Variants in ZCWPW2 observed in about 807,000 individuals in gnomAD.
ZCWPW2 encodes the protein zinc finger CW-type and PWWP domain containing 2.
In ZCWPW2, 45 loss-of-function variants were observed where a neutral mutation model predicts 46.6. The observed-to-expected ratio is 0.96, with a 90% confidence interval of 0.76 to 1.24. ZCWPW2 has a LOEUF of 1.24. Ranked by LOEUF, ZCWPW2 falls within the 50% of genes most tolerant of loss-of-function variation. The pLI is 0.00. For synonymous variants in ZCWPW2, 152 were observed against 137.1 expected (o/e 1.11, Z -0.76); for missense variants, 429 against 403.9 (o/e 1.06, Z -0.53).
intron 3 of ZCWPW2, among the ~76,000 whole-genome samples, chr3:28,425,512 G>A (rs568497487): frequency 4.3e-4 from 65 of 152,248 alleles, no homozygotes; most frequent in African/African-American, 1.5e-3. Flanking sequence ...ATACCTAGTG[G>A]TGTAGCATTA....
chr3:28,371,181 T>C (rs1705322734), intron 1 of ZCWPW2, among the ~76,000 whole-genome samples: 1 of 152,212 alleles, frequency 6.6e-6, no homozygotes, highest in Non-Finnish European at 1.5e-5. Flanking sequence ...TCTACCTAAA[T>C]TATGTGTTGA....
intron 1 of ZCWPW2, among the ~76,000 whole-genome samples, chr3:28,387,375 T>C (rs181577458): frequency 9.8e-5 from 15 of 152,302 alleles, no homozygotes; most frequent in Admixed American, 9.8e-4. Flanking sequence ...TTAGAAGATA[T>C]GAAAATTTAC....
At chr3:28,361,752 T>C (rs1220255119) in intron 1 of ZCWPW2, among the ~76,000 whole-genome samples, 2 of 152,136 alleles carry the variant, frequency 1.3e-5, no homozygotes, top group Non-Finnish European at 2.9e-5. Flanking sequence ...GATATGCAGA[T>C]GGCAAGGTTA....
intron 2 of ZCWPW2, among the ~76,000 whole-genome samples, chr3:28,393,520 C>T (rs747194616): frequency 5.3e-5 from 8 of 151,968 alleles, no homozygotes; most frequent in Non-Finnish European, 8.8e-5. Context: ...CCCTGATGAA[C>T]GTAGACGCAA....
At chr3:28,503,533 T>C (rs1221350635) in intron 6 of ZCWPW2, among the ~76,000 whole-genome samples, 2 of 152,108 alleles carry the variant, frequency 1.3e-5, no homozygotes, top group East Asian at 3.9e-4. Context: ...CAATAGGTTA[T>C]TGATATAATA....
At chr3:28,350,028 G>C (rs1201475742) in intron 1 of ZCWPW2, among the ~76,000 whole-genome samples, 1 of 152,192 alleles carries the variant, frequency 6.6e-6, no homozygotes, top group Non-Finnish European at 1.5e-5. Context: ...TTAGAAATCT[G>C]TGTTAATGTT....
chr3:28,492,275 A>C, intron 6 of ZCWPW2, 102 bp downstream of exon 6: 2 of 1,082,908 alleles, frequency 1.8e-6, no homozygotes, highest in Non-Finnish European at 2.6e-6. Flanking sequence ...AATGACATAC[A>C]ATCCATTTTT....
intron 3 of ZCWPW2, among the ~76,000 whole-genome samples, chr3:28,425,543 C>T (rs1696970751): frequency 6.6e-6 from 1 of 152,104 alleles, no homozygotes; most frequent in African/African-American, 2.4e-5. Flanking sequence ...TTCTCTTTAG[C>T]CCATGGCCTT....
At chr3:28,510,843 G>T (rs1700406964) in intron 6 of ZCWPW2, among the ~76,000 whole-genome samples, 1 of 152,148 alleles carries the variant, frequency 6.6e-6, no homozygotes. Context: ...AGAAGATGAT[G>T]ATGTACAAAT....
At chr3:28,490,185 T>C (rs923595585) in intron 5 of ZCWPW2, among the ~76,000 whole-genome samples, 4 of 151,970 alleles carry the variant, frequency 2.6e-5, no homozygotes. Context: ...ACTGGCGAGG[T>C]TGCAGAGAAA....
intron 5 of ZCWPW2, among the ~76,000 whole-genome samples, chr3:28,489,633 CTCTT>C (rs1402950011): frequency 6.0e-5 from 9 of 149,252 alleles, no homozygotes; most frequent in African/African-American, 1.7e-4. Context: ...CAAGATCTCT[CTCTT>C]TCTTTCTCTC....
intron 7 of ZCWPW2, among the ~76,000 whole-genome samples, chr3:28,515,094 G>C (rs1034906607): frequency 2.0e-5 from 3 of 152,174 alleles, no homozygotes; most frequent in Non-Finnish European, 2.9e-5. Flanking sequence ...TATGGTTAGA[G>C]AAAGTACATT....
intron 4 of ZCWPW2, among the ~76,000 whole-genome samples, chr3:28,437,487 CTA>C (rs1190519444): frequency 1.3e-5 from 2 of 152,038 alleles, no homozygotes; most frequent in African/African-American, 4.8e-5. Context: ...AAAATTTTAA[CTA>C]TTTTATTTTG....
intron 3 of ZCWPW2, among the ~76,000 whole-genome samples, chr3:28,424,994 C>G (rs746821906): frequency 7.2e-5 from 11 of 152,156 alleles, no homozygotes; most frequent in Non-Finnish European, 1.2e-4. Context: ...TTTGTATTCT[C>G]TAATGAAAAT....
At chr3:28,491,971 C>T (rs1248574675) in intron 5 of ZCWPW2, among the ~76,000 whole-genome samples, 156 bp from the exon 6 acceptor site, 1 of 152,060 alleles carries the variant, frequency 6.6e-6, no homozygotes, top group Non-Finnish European at 1.5e-5. Context: ...CAATGGACAG[C>T]TCAGTTTACT....
intron 4 of ZCWPW2, among the ~76,000 whole-genome samples, chr3:28,462,258 C>T (rs1698668034): frequency 6.6e-6 from 1 of 152,140 alleles, no homozygotes; most frequent in African/African-American, 2.4e-5. Context: ...TGGCAGTACC[C>T]TGAAGAAGAA....
intron 4 of ZCWPW2, among the ~76,000 whole-genome samples, chr3:28,445,966 T>C (rs1331096597): frequency 6.6e-6 from 1 of 152,152 alleles, no homozygotes; most frequent in Non-Finnish European, 1.5e-5. Context: ...ATGTTCAATA[T>C]AGCAAGAAGA....
At chr3:28,521,179 G>A in intron 9 of ZCWPW2, 63 bp downstream of exon 9, 1 of 1,506,124 alleles carries the variant, frequency 6.6e-7, no homozygotes, top group Non-Finnish European at 8.9e-7. Flanking sequence ...CAGCAGAATT[G>A]TTCCTAGTTG....
At chr3:28,405,986 A>G (rs1696142577) in intron 2 of ZCWPW2, among the ~76,000 whole-genome samples, 1 of 152,214 alleles carries the variant, frequency 6.6e-6, no homozygotes, top group South Asian at 2.1e-4. Flanking sequence ...CCTTGTTATA[A>G]TGTGGCAAAG....
Sources: allele counts gnomAD v4.1 joint callset (sites outside exome capture counted in the v4.1 genomes callset), GRCh38; gene constraint gnomAD v4.1.1; transcripts MANE v1.5; gene names NCBI Gene and HGNC (gene_info 2026-07-23, HGNC 2026-07-21).